Variants in LEKR1 observed in about 807,000 individuals in gnomAD.
LEKR1 encodes the protein protein LEKR1.
A neutral mutation model predicts 72.4 loss-of-function variants in LEKR1; 59 were observed. The ratio of observed to expected loss-of-function variants is 0.82; its 90% CI spans 0.66 to 1.01. The LOEUF is 1.01. LEKR1 is among the 50% of genes least tolerant of loss of function. The pLI is 0.00. For synonymous variants in LEKR1, 257 were observed against 263.2 expected (o/e 0.98, Z 0.23); for missense variants, 728 against 759.2 (o/e 0.96, Z 0.48).
At chr3:156,973,517 A>G (rs1729427944) in intron 6 of LEKR1, among the ~76,000 whole-genome samples, 1 of 152,166 alleles carries the variant, frequency 6.6e-6, no homozygotes, top group African/African-American at 2.4e-5. Flanking sequence ...TAATCAACAG[A>G]ACCTGAGAAG....
chr3:156,946,381 T>C (rs1307601690), intron 6 of LEKR1, among the ~76,000 whole-genome samples: 2 of 151,562 alleles, frequency 1.3e-5, no homozygotes, highest in African/African-American at 2.4e-5. Context: ...TTATATCATC[T>C]GCAAACAAGG....
intron 3 of LEKR1, among the ~76,000 whole-genome samples, chr3:156,866,424 C>T (rs905349754): frequency 6.6e-6 from 1 of 151,972 alleles, no homozygotes; most frequent in African/African-American, 2.4e-5. Context: ...GGTCTTCTTG[C>T]AATGGTGAGA....
chr3:156,882,947 A>C (rs1719608426), intron 3 of LEKR1, among the ~76,000 whole-genome samples: 1 of 152,020 alleles, frequency 6.6e-6, no homozygotes, highest in Non-Finnish European at 1.5e-5. Flanking sequence ...GTGGGAATTG[A>C]ACAATGAGAA....
intron 10 of LEKR1, among the ~76,000 whole-genome samples, chr3:157,013,753 T>C (rs1439262704): frequency 1.3e-5 from 2 of 152,128 alleles, no homozygotes; most frequent in African/African-American, 4.8e-5. Flanking sequence ...AGTCTTCTCA[T>C]GAGAAAGGAG....
intron 6 of LEKR1, among the ~76,000 whole-genome samples, chr3:156,966,251 C>G (rs913976468): frequency 3.3e-5 from 5 of 152,086 alleles, no homozygotes; most frequent in African/African-American, 1.2e-4. Context: ...GTACTGGGTT[C>G]ATCTCACTGG....
intron 11 of LEKR1, among the ~76,000 whole-genome samples, chr3:157,027,084 G>C (rs923443141): frequency 1.8e-4 from 28 of 151,962 alleles, no homozygotes; most frequent in African/African-American, 6.5e-4. Context: ...CAGTTCCTTG[G>C]TCACATTAGT....
intron 6 of LEKR1, among the ~76,000 whole-genome samples, chr3:156,975,691 A>G (rs1729629458): frequency 6.6e-6 from 1 of 152,224 alleles, no homozygotes; most frequent in Non-Finnish European, 1.5e-5. Flanking sequence ...CTGGCTTCAT[A>G]TGAAGAGAGG....
intron 3 of LEKR1, among the ~76,000 whole-genome samples, chr3:156,906,367 T>G (rs745416977): frequency 6.6e-5 from 10 of 152,196 alleles, no homozygotes; most frequent in Non-Finnish European, 1.3e-4. Context: ...GGATAATAAA[T>G]GTACTTGTTC....
At chr3:156,901,042 C>G (rs1420670387) in intron 3 of LEKR1, among the ~76,000 whole-genome samples, 1 of 152,060 alleles carries the variant, frequency 6.6e-6, no homozygotes, top group African/African-American at 2.4e-5. Context: ...CCAGCCTGGT[C>G]TTAAACTCCT....
At chr3:156,932,459 G>A (rs1725310917) in intron 5 of LEKR1, among the ~76,000 whole-genome samples, 2 of 152,086 alleles carry the variant, frequency 1.3e-5, no homozygotes, top group Admixed American at 1.3e-4. Flanking sequence ...GGTGGCTCAT[G>A]CCTAGCACTA....
At chr3:156,840,720 G>A (rs1713802868) in intron 2 of LEKR1, among the ~76,000 whole-genome samples, 1 of 152,166 alleles carries the variant, frequency 6.6e-6, no homozygotes, top group Non-Finnish European at 1.5e-5. Context: ...TAACCCAGCA[G>A]GAACAGGAAG....
At chr3:156,898,850 G>T (rs1721479784) in intron 3 of LEKR1, among the ~76,000 whole-genome samples, 1 of 152,160 alleles carries the variant, frequency 6.6e-6, no homozygotes, top group African/African-American at 2.4e-5. Context: ...AAAAAAATGG[G>T]ATGAAGTTCT....
Position 156,915,520 on chromosome 3 carries a change from T to G in LEKR1, c.264-5055T>G, listed in dbSNP as rs564476792. ...TTCTCTAATGATCAATTATATTGAG[T>G]TTTTTTTCATATGCTCATTGGCCAC... is the stretch of plus-strand genomic sequence containing the variant. On this transcript the variant is annotated intron_variant, in intron 3 of 12. Coordinates refer to ENST00000356539, the MANE Select transcript of LEKR1 (RefSeq NM_001004316.3). 2.6e-5 allele frequency among the ~76,000 whole-genome samples: 4 copies of G among 151,980 alleles called. 1 individual carries two copies. In the South Asian group the frequency reaches 8.3e-4, roughly 32 times the overall value.
At chr3:156,955,478 G>T (rs761450046) in intron 6 of LEKR1, among the ~76,000 whole-genome samples, 19 of 151,856 alleles carry the variant, frequency 1.3e-4, no homozygotes, top group Non-Finnish European at 2.5e-4. Flanking sequence ...ATTGGCTGTG[G>T]GTTTGTCATA....
intron 2 of LEKR1, 148 bp from the exon 3 acceptor site, chr3:156,852,620 T>C: frequency 4.9e-6 from 2 of 407,564 alleles, no homozygotes; most frequent in Middle Eastern, 6.2e-4. Flanking sequence ...AAATTTTTTA[T>C]ACAAGTGTTA....
chr3:156,964,668 T>C (rs1431948549), intron 6 of LEKR1, among the ~76,000 whole-genome samples: 5 of 152,056 alleles, frequency 3.3e-5, no homozygotes, highest in Non-Finnish European at 7.4e-5. Flanking sequence ...AGAAAAAGTG[T>C]TCAGAAAGAA....
At chr3:156,975,944 T>A (rs1169852413) in intron 6 of LEKR1, among the ~76,000 whole-genome samples, 1 of 152,194 alleles carries the variant, frequency 6.6e-6, no homozygotes, top group East Asian at 1.9e-4. Flanking sequence ...CGAATTTCTT[T>A]AACTATAGAG....
At chr3:156,944,256 A>G in intron 6 of LEKR1, among the ~76,000 whole-genome samples, 1 of 151,578 alleles carries the variant, frequency 6.6e-6, no homozygotes, top group East Asian at 1.9e-4. Flanking sequence ...CAGCTATTTG[A>G]AATTTTTTGT....
intron 3 of LEKR1, chr3:156,888,251 A>G (rs1450703545): frequency 5.8e-6 from 4 of 690,928 alleles, no homozygotes; most frequent in African/African-American, 3.5e-5. Context: ...TTAAAAGGAA[A>G]TGCACAGTTG....
Sources: allele counts gnomAD v4.1 joint callset (sites outside exome capture counted in the v4.1 genomes callset), GRCh38; gene constraint gnomAD v4.1.1; transcripts MANE v1.5; gene names NCBI Gene and HGNC (gene_info 2026-07-23, HGNC 2026-07-21).